Variants in TMEM245 observed in about 807,000 individuals in gnomAD.
TMEM245 encodes protein CG-2.
In TMEM245, 69 loss-of-function variants were observed where a neutral mutation model predicts 101.2. The observed-to-expected ratio is 0.68, with a 90% confidence interval of 0.56 to 0.83. TMEM245 has a LOEUF of 0.83. Ranked by LOEUF, TMEM245 falls within the 40% of genes least tolerant of loss-of-function variation. TMEM245 has a pLI of 0.00. For missense variants in TMEM245, 1,075 were observed against 1,092.8 expected (o/e 0.98, Z 0.23); for synonymous variants, 537 against 449.8 (o/e 1.19, Z -2.45).
intron 1 of TMEM245, among the ~76,000 whole-genome samples, chr9:109,110,674 T>G (rs1830545544): frequency 1.3e-5 from 2 of 151,850 alleles, no homozygotes; most frequent in Admixed American, 1.3e-4. Context: ...AGAGGCACAA[T>G]AACAGAAAAA....
chr9:109,064,446 A>G lies in TMEM245; in HGVS notation c.1623+31T>C. On this transcript the variant is annotated intron_variant, in intron 10 of 17. Coordinates refer to ENST00000374586, the MANE Select transcript of TMEM245 (RefSeq NM_032012.4). ...AACCACCAGTAAAGACCCTGAAAAG[A>G]GAAAGCCACAAAGAAAGTTTCTTCC... 2 of 1,591,864 alleles carry G rather than the reference A, an allele frequency of 1.3e-6. 1 individual carries two copies.
In TMEM245 at chr9:109,017,527, C is replaced by A. The variant is rs1250891419; in HGVS notation, c.*2933G>T. ...CTCTCTCAGAAAAGAGAGGAGCATA[C>A]CTGTGTGGAGAGCTTGTATTTTCTC... On this transcript the variant is annotated 3_prime_UTR_variant, in exon 18 of 18. Transcript: ENST00000374586. The A allele has an allele frequency of 6.6e-6, 1 of 152,176 alleles. No individual in the cohort carries two copies. The highest frequency in any genetic ancestry group is 1.5e-5 in the Non-Finnish European group (1 of 68,018). The allele number at this position is 152,176 out of a possible 1,614,324, so 9.4% of individuals were successfully genotyped here. A position where few individuals can be genotyped will look rare whatever the true frequency, so the allele number is the denominator to read the frequency against.
chr9:109,106,878 T>C (rs905984738), intron 2 of TMEM245, among the ~76,000 whole-genome samples: 1 of 152,136 alleles, frequency 6.6e-6, no homozygotes, highest in African/African-American at 2.4e-5. Flanking sequence ...AGAGAGTCTA[T>C]TGTAACGTAT....
chr9:109,029,816 T>C (rs986126327), intron 17 of TMEM245, among the ~76,000 whole-genome samples: 1 of 152,220 alleles, frequency 6.6e-6, no homozygotes, highest in African/African-American at 2.4e-5. Context: ...AGACCAACTA[T>C]GCCTGGTGCG....
At chr9:109,080,295 A>T (rs921000713) in intron 8 of TMEM245, among the ~76,000 whole-genome samples, 2 of 152,118 alleles carry the variant, frequency 1.3e-5, no homozygotes, top group African/African-American at 2.4e-5. Context: ...CCTAAAAAAA[A>T]TAGTAAGAGA....
intron 14 of TMEM245, among the ~76,000 whole-genome samples, chr9:109,042,064 T>C (rs1220579607): frequency 5.3e-5 from 8 of 152,134 alleles, no homozygotes; most frequent in Admixed American, 5.2e-4. Context: ...CCTAGCAATC[T>C]CTGAATTTTA....
intron 1 of TMEM245, among the ~76,000 whole-genome samples, chr9:109,113,747 T>G (rs1830633791): frequency 6.6e-6 from 1 of 152,238 alleles, no homozygotes; most frequent in Non-Finnish European, 1.5e-5. Context: ...ACTTGGTTGC[T>G]TCTGTTACAT....
chr9:109,020,549 C>T (rs1299704769), intron 17 of TMEM245, 44 bp from the exon 18 acceptor site: 2 of 1,553,214 alleles, frequency 1.3e-6, no homozygotes, highest in South Asian at 1.1e-5. Flanking sequence ...TACCATAAAA[C>T]AGTATCCTAT....
intron 10 of TMEM245, among the ~76,000 whole-genome samples, chr9:109,062,838 T>C (rs1423788620): frequency 1.3e-5 from 2 of 151,964 alleles, no homozygotes; most frequent in African/African-American, 2.4e-5. Flanking sequence ...GGCATGGTGG[T>C]GCATGCCTGT....
chr9:109,020,932 A>T (rs948618396), intron 17 of TMEM245, among the ~76,000 whole-genome samples: 2 of 152,240 alleles, frequency 1.3e-5, no homozygotes, highest in African/African-American at 4.8e-5. Flanking sequence ...GATACATTTT[A>T]TTACAAAATA....
intron 2 of TMEM245, among the ~76,000 whole-genome samples, chr9:109,107,492 C>CCCTG (rs1296717505): frequency 1.3e-5 from 2 of 151,860 alleles, no homozygotes; most frequent in African/African-American, 4.8e-5. Context: ...CATAAAACAT[C>CCCTG]CCTGCCTGCC....
chr9:109,066,205 G>A (rs1829159227), intron 9 of TMEM245, among the ~76,000 whole-genome samples: 1 of 152,102 alleles, frequency 6.6e-6, no homozygotes, highest in Non-Finnish European at 1.5e-5. Flanking sequence ...TGTAATCCCA[G>A]CACTTTGGGA....
chr9:109,083,916 A>AAAAAAAAAACAAAC (rs1829751747), intron 7 of TMEM245, among the ~76,000 whole-genome samples: 1 of 132,502 alleles, frequency 7.5e-6, no homozygotes, highest in Admixed American at 8.7e-5. Context: ...AAAAAAAAAA[A>AAAAAAAAAACAAAC]AAAAAAAAAA....
chr9:109,060,878 A>T (rs186307865), intron 10 of TMEM245, among the ~76,000 whole-genome samples: 3 of 152,294 alleles, frequency 2.0e-5, no homozygotes, highest in East Asian at 3.9e-4. Context: ...TGTTGGCTAT[A>T]AACACGAATC....
Position 109,018,736 on chromosome 9 carries a change from A to G in TMEM245, c.*1724T>C, listed in dbSNP as rs183741338. ...TTCAACGCTTAAGAACTACCCCCCAACACTTTTTTTTTTCCTTGGGACAGT... is the reference window on the plus strand; with the variant it reads ...TTCAACGCTTAAGAACTACCCCCCAGCACTTTTTTTTTTCCTTGGGACAGT... On this transcript the variant is annotated 3_prime_UTR_variant, in exon 18 of 18. Coordinates refer to ENST00000374586, the MANE Select transcript of TMEM245 (RefSeq NM_032012.4). 6.0e-5 allele frequency: 9 copies of G among 150,222 alleles called. No individual in the cohort carries two copies. The highest frequency in any genetic ancestry group is 2.2e-4 in the African/African-American group (9 of 41,142). The allele number at this position is 150,222 out of a possible 1,614,324, so 9.3% of individuals were successfully genotyped here.
At chr9:109,107,121 C>T (rs778339761) in intron 2 of TMEM245, among the ~76,000 whole-genome samples, 6 of 152,104 alleles carry the variant, frequency 3.9e-5, no homozygotes, top group Non-Finnish European at 8.8e-5. Flanking sequence ...GGCGCAGTGG[C>T]TCACACCTGT....
intron 9 of TMEM245, 54 bp from the exon 10 acceptor site, chr9:109,064,621 CAAT>C: frequency 1.4e-6 from 2 of 1,469,342 alleles, no homozygotes; most frequent in South Asian, 2.3e-5. Context: ...TGTAGTGTAC[CAAT>C]AATGCTTTGA....
rs76710081 is a variant in TMEM245 at position 109,097,341 on chromosome 9, G to A, written c.800-3750C>T. On this transcript the variant is annotated intron_variant, in intron 3 of 17. Transcript: ENST00000374586. The stretch of plus-strand genomic sequence containing the variant: ...GAACTCTAGGAAGTTCAATAAGACC[G>A]GAAGATAGTGTGAATGAGAAGAGCA... 9.6e-4 allele frequency among the ~76,000 whole-genome samples: 146 copies of A among 152,294 alleles called. 1 individual carries two copies. Among genetic ancestry groups the A allele is most frequent in the African/African-American group, 3.2e-3 (134 of 41,562 alleles).
rs75554675 is a variant in TMEM245 at position 109,030,286 on chromosome 9, T to C, written c.2594+3021A>G. On this transcript the variant is annotated intron_variant, in intron 17 of 17. Transcript: ENST00000374586. Reference sequence around the variant, plus strand: ...TTTTTCACTGAGTTTTGTAGAAATTTGACTCTTTAAACTCATGCATGAGTA... The same window carrying C: ...TTTTTCACTGAGTTTTGTAGAAATTCGACTCTTTAAACTCATGCATGAGTA... Among the ~76,000 whole-genome samples the C allele has an allele frequency of 5.4e-3, 829 of 152,286 alleles. 52 individuals are homozygous for C. The East Asian group carries it at 0.13, about 24-fold the overall frequency.
Sources: gnomAD v4.1 joint callset for allele counts (sites outside exome capture counted in the v4.1 genomes callset) on GRCh38, gnomAD v4.1.1 for gene constraint, MANE v1.5 for transcripts, NCBI Gene and HGNC (gene_info 2026-07-23, HGNC 2026-07-21) for gene names.